Variants in PUM2 observed in about 807,000 individuals in gnomAD.
PUM2 encodes pumilio RNA binding family member 2.
Under a neutral mutation model 124.5 loss-of-function variants are expected in PUM2, and 57 were observed. That is an observed-to-expected ratio of 0.46 (90% CI 0.37 to 0.57). The LOEUF is 0.57. PUM2 is among the 20% of genes least tolerant of loss of function. The pLI, the probability that PUM2 is intolerant of heterozygous loss-of-function variation, is 0.00. For synonymous variants in PUM2, 460 were observed against 446.1 expected, an observed-to-expected ratio of 1.03 and a Z score of -0.39; for missense variants, 1,065 against 1,290.6, an observed-to-expected ratio of 0.83 and a Z score of 2.68.
chr2:20,266,716 C>T (rs557241962), intron 13 of PUM2, among the ~76,000 whole-genome samples: 1 of 152,146 alleles, frequency 6.6e-6, no homozygotes, highest in East Asian at 1.9e-4. Flanking sequence ...ATGAAACAGG[C>T]CTATACCCTT....
intron 2 of PUM2, among the ~76,000 whole-genome samples, chr2:20,322,924 T>G (rs1025118476): frequency 2.6e-5 from 4 of 152,230 alleles, no homozygotes; most frequent in Non-Finnish European, 4.4e-5. Flanking sequence ...TTTAATCTTT[T>G]CTGTTAATGA....
At chr2:20,336,681 T>TTGTG (rs113658730) in intron 1 of PUM2, among the ~76,000 whole-genome samples, 2,513 of 131,502 alleles carry the variant, frequency 0.019, 65 homozygotes, top group African/African-American at 0.041. Context: ...CCTGGCTAAT[T>TTGTG]TGTGTGTGTG....
chr2:20,264,888 C>T (rs948611719), intron 13 of PUM2, among the ~76,000 whole-genome samples: 1 of 152,162 alleles, frequency 6.6e-6, no homozygotes, highest in African/African-American at 2.4e-5. Context: ...ATTCCTCTTT[C>T]ACTTTCTGTC....
intron 15 of PUM2, among the ~76,000 whole-genome samples, chr2:20,258,959 G>A (rs1442582863): frequency 3.3e-5 from 5 of 151,862 alleles, no homozygotes; most frequent in African/African-American, 9.7e-5. Context: ...GAGCCACCGC[G>A]CCCGGCCAAA....
In PUM2 at chr2:20,288,737, G is replaced by C. The variant is rs151189329; in HGVS notation, c.1291+1915C>G. ...GATTTTCTCAAGTGAGCCCTTTTTA[G>C]TATACACATTAGCTTTATAACTATG... On this transcript the variant is annotated intron_variant, in intron 10 of 20. Coordinates refer to ENST00000361078, the MANE Select transcript of PUM2 (RefSeq NM_015317.5). Among the ~76,000 whole-genome samples, 209 of 152,306 alleles carry C rather than the reference G, an allele frequency of 1.4e-3. 2 individuals are homozygous for C. Among genetic ancestry groups the C allele is most frequent in the African/African-American group, 4.7e-3 (197 of 41,568 alleles).
At chr2:20,273,667 A>G (rs146245752) in intron 13 of PUM2, among the ~76,000 whole-genome samples, 1 of 152,330 alleles carries the variant, frequency 6.6e-6, no homozygotes, top group African/African-American at 2.4e-5. Flanking sequence ...TAGGTCTACC[A>G]GAGGGTTGTA....
At chr2:20,268,015 C>T (rs571615662) in intron 13 of PUM2, among the ~76,000 whole-genome samples, 14 of 152,196 alleles carry the variant, frequency 9.2e-5, no homozygotes, top group Admixed American at 6.5e-4. Flanking sequence ...GCAGGTCCTC[C>T]GCGGGGCAAG....
chr2:20,307,412 A>T (rs1241357894), intron 7 of PUM2, among the ~76,000 whole-genome samples: 95 of 152,284 alleles, frequency 6.2e-4, no homozygotes, highest in African/African-American at 2.1e-3. Context: ...AAAATAAAAT[A>T]AAACTATACA....
At chr2:20,350,445 G>A in intron 1 of PUM2, 152 bp downstream of exon 1, 1 of 971,562 alleles carries the variant, frequency 1.0e-6, no homozygotes, top group Non-Finnish European at 1.2e-6. Context: ...TTGTGCGAGC[G>A]GGCCCCAGGC....
At chr2:20,302,733 T>C (rs1039837304) in intron 7 of PUM2, among the ~76,000 whole-genome samples, 4 of 152,230 alleles carry the variant, frequency 2.6e-5, no homozygotes, top group Non-Finnish European at 5.9e-5. Flanking sequence ...CAGTGACTAA[T>C]GAAAATTCTT....
intron 1 of PUM2, among the ~76,000 whole-genome samples, chr2:20,334,997 G>C (rs1032269419): frequency 6.6e-6 from 1 of 152,096 alleles, no homozygotes; most frequent in Non-Finnish European, 1.5e-5. Context: ...ACCGAAGCTA[G>C]AGTACAGTGG....
At position 20,261,394 on chromosome 2, in the gene PUM2, C is replaced by CAAAAAAAAAAA. The variant is rs200294801; in HGVS notation, c.2226-939_2226-929dup. ...AAGCGACAGAGTGAGACTCTGTCTC[C>CAAAAAAAAAAA]AAAAAAAAAAAAAAAAAAAAAAAAA... On this transcript the variant is annotated intron_variant, in intron 14 of 20. Transcript: ENST00000361078. 2.4e-3 allele frequency among the ~76,000 whole-genome samples: 182 copies of CAAAAAAAAAAA among 76,698 alleles called. 38 individuals are homozygous for CAAAAAAAAAAA. The highest frequency in any genetic ancestry group is 5.8e-3 in the African/African-American group (101 of 17,402). The allele number at this position is 76,698 out of a possible 152,430, so 50.3% of individuals were successfully genotyped here. A position where few individuals can be genotyped will look rare whatever the true frequency, so the allele number is the denominator to read the frequency against.
chr2:20,271,304 C>A (rs952368016), intron 13 of PUM2, among the ~76,000 whole-genome samples: 1 of 152,014 alleles, frequency 6.6e-6, no homozygotes, highest in African/African-American at 2.4e-5. Context: ...TAAAGTATTA[C>A]AAACAAGATT....
intron 1 of PUM2, among the ~76,000 whole-genome samples, chr2:20,349,673 C>G (rs2820): frequency 0.25 from 38,381 of 152,140 alleles, 5,411 homozygotes; most frequent in Non-Finnish European, 0.32. Context: ...TCTTGACATA[C>G]AGTACCTTTA....
At chr2:20,312,131 AGC>A (rs1401659567) in intron 4 of PUM2, 103 bp downstream of exon 4, 3 of 1,056,814 alleles carry the variant, frequency 2.8e-6, no homozygotes, top group African/African-American at 1.6e-5. Flanking sequence ...AATTTCTCTT[AGC>A]TATAGGAAGG....
chr2:20,351,563 C>T (rs1311973469), upstream of PUM2, among the ~76,000 whole-genome samples: 3 of 152,194 alleles, frequency 2.0e-5, no homozygotes, highest in Non-Finnish European at 2.9e-5. Flanking sequence ...ACTAAGCGCT[C>T]TCTCCTTCCC....
intron 9 of PUM2, among the ~76,000 whole-genome samples, chr2:20,293,862 A>T (rs1004605303): frequency 2.6e-5 from 4 of 152,088 alleles, no homozygotes; most frequent in African/African-American, 4.8e-5. Flanking sequence ...TTTTAGATTT[A>T]TCAAGTTAGT....
rs1663192806 is a variant in PUM2 at position 20,251,075 on chromosome 2, T to A, written c.*510A>T. ...ATACAACTTAACTCTTTTTAAAATA[T>A]TAATAATATTTATGCAGTTGATTGT... On this transcript the variant is annotated 3_prime_UTR_variant, in exon 21 of 21. Coordinates refer to ENST00000361078, the MANE Select transcript of PUM2 (RefSeq NM_015317.5). 1.3e-5 allele frequency: 2 copies of A among 152,590 alleles called. No individual in the cohort carries two copies. Among genetic ancestry groups the A allele is most frequent in the Non-Finnish European group, 2.9e-5 (2 of 68,020 alleles). 9.5% of individuals were successfully genotyped at this position (152,590 alleles called of 1,614,324 possible).
chr2:20,294,957 A>G (rs1430402969), intron 8 of PUM2, among the ~76,000 whole-genome samples: 1 of 152,256 alleles, frequency 6.6e-6, no homozygotes, highest in Admixed American at 6.5e-5. Flanking sequence ...AAACTGGGGA[A>G]CATTCTGGTA....
Sources: gnomAD v4.1 joint callset for allele counts (sites outside exome capture counted in the v4.1 genomes callset) on GRCh38, gnomAD v4.1.1 for gene constraint, MANE v1.5 for transcripts, NCBI Gene and HGNC (gene_info 2026-07-23, HGNC 2026-07-21) for gene names.